The following CAT variants were observed in gnomAD, a reference collection of about 807,000 sequenced individuals.
CAT encodes the protein epididymis secretory sperm binding protein.
Under a neutral mutation model 59.0 loss-of-function variants are expected in CAT, and 43 were observed. The ratio of observed to expected loss-of-function variants is 0.73; its 90% CI spans 0.57 to 0.94. The LOEUF (loss-of-function observed/expected upper bound fraction) is 0.94, where lower values mean the gene tolerates loss of function less well. Ranked by LOEUF, CAT falls within the 40% of genes least tolerant of loss-of-function variation. The probability of loss-of-function intolerance (pLI) is 0.00; values close to 1 mark genes in which losing one functional copy is unlikely to be tolerated. For synonymous variants in CAT, 218 were observed against 230.9 expected (o/e 0.94, Z 0.51); for missense variants, 664 against 682.9 (o/e 0.97, Z 0.31).
Position 34,461,234 on chromosome 11 carries a change from T to C in CAT, c.1057-17T>C, listed in dbSNP as rs374423265. ...GTTACTGCCCCTAGTCAGTGTCTAT[T>C]GTATTTATTACTGCAGGGCCGCCTT... On this transcript the variant is annotated splice_polypyrimidine_tract_variant and intron_variant, in intron 8 of 12. Coordinates refer to ENST00000241052, the MANE Select transcript of CAT (RefSeq NM_001752.4). The C allele has an allele frequency of 4.3e-6, 7 of 1,613,802 alleles. No individual in the cohort carries two copies. In the African/African-American group the frequency reaches 6.7e-5, roughly 15 times the overall value.
intron 2 of CAT, 71 bp downstream of exon 2, chr11:34,449,434 G>GTCTTCC: frequency 7.3e-7 from 1 of 1,369,650 alleles, no homozygotes; most frequent in Non-Finnish European, 1.0e-6. Context: ...TTTCCCAAAG[G>GTCTTCC]ATTGGAAGAC....
chr11:34,460,283 G>C (rs1160067035), intron 8 of CAT, among the ~76,000 whole-genome samples: 1 of 152,086 alleles, frequency 6.6e-6, no homozygotes, highest in Non-Finnish European at 1.5e-5. Flanking sequence ...TCTTTGCCTT[G>C]ATTAACATGG....
intron 1 of CAT, among the ~76,000 whole-genome samples, chr11:34,445,963 G>A (rs994116839): frequency 3.9e-5 from 6 of 152,104 alleles, no homozygotes; most frequent in Non-Finnish European, 8.8e-5. Context: ...ATTATTGACA[G>A]GCTTAAGTGA....
chr11:34,468,285 C>G lies in CAT; in HGVS notation c.1327-3C>G. 2 of 1,609,804 alleles carry G rather than the reference C, an allele frequency of 1.2e-6. No homozygotes were observed. Among genetic ancestry groups the G allele is most frequent in the Non-Finnish European group, 1.7e-6 (2 of 1,176,190 alleles). On this transcript the variant is annotated splice_region_variant and splice_polypyrimidine_tract_variant and intron_variant, in intron 10 of 12. Coordinates refer to ENST00000241052, the MANE Select transcript of CAT (RefSeq NM_001752.4). ...CTCTGCACTTGCTCTTTTCTCTGAG[C>G]AGGTGCGGGCATTCTATGTGAACGT...
intron 10 of CAT, among the ~76,000 whole-genome samples, chr11:34,464,748 T>C (rs1856693790): frequency 6.6e-6 from 1 of 152,014 alleles, no homozygotes. Context: ...CTTCCTGTTT[T>C]CTCCTATCTG....
intron 10 of CAT, among the ~76,000 whole-genome samples, chr11:34,465,057 A>C (rs4755374): frequency 0.12 from 18,337 of 152,204 alleles, 1,373 homozygotes; most frequent in Admixed American, 0.21. Flanking sequence ...GCTATGAAGG[A>C]GGCCCTTGGA....
At chr11:34,469,100 A>C (rs566979) in intron 11 of CAT, among the ~76,000 whole-genome samples, 65,416 of 152,034 alleles carry the variant, frequency 0.43, 14,973 homozygotes, top group African/African-American at 0.58. Flanking sequence ...CATCGAGCTG[A>C]GTGAAGCCCT....
In CAT at chr11:34,452,113, C is replaced by G; in HGVS notation, c.386C>G (p.Pro129Arg). Residue 129 changes from proline (P) to arginine (R), a missense_variant, in exon 4 of 13, where the codon CCT becomes CGT. By Grantham distance (103) the Pro-to-Arg change is moderately radical. Transcript: ENST00000241052. ...ESGSADTVRD[P>R]RGFAVKFYTE... Reference sequence around the variant, plus strand: ...GGTTCAGCTGACACAGTTCGGGACCCTCGTGGGTTTGCAGTGAAATTTTAC... The same window carrying G: ...GGTTCAGCTGACACAGTTCGGGACCGTCGTGGGTTTGCAGTGAAATTTTAC... 2 of 1,613,820 alleles carry G rather than the reference C, an allele frequency of 1.2e-6. No homozygotes were observed. Among genetic ancestry groups the G allele is most frequent in the Non-Finnish European group, 1.7e-6 (2 of 1,179,814 alleles).
At chr11:34,456,525 C>G (rs773818107) in intron 7 of CAT, 140 bp from the exon 8 acceptor site, 2 of 834,230 alleles carry the variant, frequency 2.4e-6, no homozygotes, top group Non-Finnish European at 4.1e-6. Context: ...CTAAGGCACT[C>G]ATCTTAAATT....
At chr11:34,460,169 GAAT>G in intron 8 of CAT, among the ~76,000 whole-genome samples, 1 of 152,308 alleles carries the variant, frequency 6.6e-6, no homozygotes, top group South Asian at 2.1e-4. Context: ...AAAGGAGTAT[GAAT>G]AATGAGAATA....
chr11:34,449,060 A>G lies in CAT; in HGVS notation c.67-132A>G. On this transcript the variant is annotated intron_variant, in intron 1 of 12. Transcript: ENST00000241052. ...GCAATGGCCCATCCTGTCAGATTTT[A>G]GTACTTTGGACACAGGAAATTAAAA... is the stretch of plus-strand genomic sequence containing the variant. The G allele has an allele frequency of 3.8e-6, 3 of 782,956 alleles. No homozygotes were observed. The Admixed American group carries it at 6.8e-5, about 18-fold the overall frequency. 48.5% of individuals were successfully genotyped at this position (782,956 alleles called of 1,614,324 possible). A position where few individuals can be genotyped will look rare whatever the true frequency, so the allele number is the denominator to read the frequency against.
chr11:34,464,870 C>G (rs1246098476), intron 10 of CAT, among the ~76,000 whole-genome samples: 1 of 151,828 alleles, frequency 6.6e-6, no homozygotes, highest in South Asian at 2.1e-4. Flanking sequence ...CCTTTTACTC[C>G]TTCTCTCAAC....
intron 10 of CAT, among the ~76,000 whole-genome samples, chr11:34,467,438 A>T (rs17884518): frequency 0.022 from 3,306 of 152,294 alleles, 126 homozygotes; most frequent in African/African-American, 0.076. Context: ...ATTTAAAAAC[A>T]TAATTATAGC....
At chr11:34,450,244 T>G (rs1856507476) in intron 2 of CAT, among the ~76,000 whole-genome samples, 1 of 152,238 alleles carries the variant, frequency 6.6e-6, no homozygotes, top group African/African-American at 2.4e-5. Context: ...AATGATGTAC[T>G]TACTGGGTAA....
intron 11 of CAT, among the ~76,000 whole-genome samples, chr11:34,469,941 C>G (rs577277695): frequency 2.6e-5 from 4 of 152,268 alleles, no homozygotes; most frequent in African/African-American, 9.6e-5. Context: ...GCTGGGATTT[C>G]GGGCGTGAGC....
At chr11:34,439,936 G>A (rs113376866) in intron 1 of CAT, among the ~76,000 whole-genome samples, 3 of 152,340 alleles carry the variant, frequency 2.0e-5, no homozygotes, top group African/African-American at 7.2e-5. Context: ...TTTTTTAAAT[G>A]AGTAGGATTT....
At chr11:34,439,129 G>A in intron 1 of CAT, 50 bp downstream of exon 1, 2 of 1,527,792 alleles carry the variant, frequency 1.3e-6, no homozygotes, top group African/African-American at 1.4e-5. Context: ...TAGAAAGCGG[G>A]GGCGTCGGCA....
intron 1 of CAT, among the ~76,000 whole-genome samples, chr11:34,447,413 T>A (rs778122648): frequency 2.4e-4 from 37 of 152,188 alleles, no homozygotes; most frequent in African/African-American, 4.6e-4. Flanking sequence ...AAAGTAGAAA[T>A]TTTTTTTCTG....
chr11:34,454,808 G>T (rs1311753707), intron 6 of CAT, among the ~76,000 whole-genome samples: 1 of 152,222 alleles, frequency 6.6e-6, no homozygotes, highest in African/African-American at 2.4e-5. Context: ...AGCCAGTCTA[G>T]TTGGTAGCCT....
Sources: gnomAD v4.1 joint callset for allele counts (sites outside exome capture counted in the v4.1 genomes callset) on GRCh38, gnomAD v4.1.1 for gene constraint, MANE v1.5 for transcripts, NCBI Gene and HGNC (gene_info 2026-07-23, HGNC 2026-07-21) for gene names.